The following SYNM variants were observed in gnomAD, a reference collection of about 807,000 sequenced individuals.
SYNM encodes desmuslin.
SYNM carries 95 observed loss-of-function variants against 104.0 expected under a neutral mutation model. The observed-to-expected ratio is 0.91, with a 90% CI of 0.77 to 1.08. The LOEUF (loss-of-function observed/expected upper bound fraction) is 1.08. Among genes scored for constraint, SYNM ranks in the 50% least tolerant of loss-of-function variants. SYNM has a pLI of 0.00. For synonymous variants in SYNM, 918 were observed against 869.0 expected (o/e 1.06, Z -0.99); for missense variants, 2,150 against 2,052.2 (o/e 1.05, Z -0.92).
chr15:99,119,232 A>G (rs1555484288), intron 2 of SYNM, among the ~76,000 whole-genome samples: 1 of 152,152 alleles, frequency 6.6e-6, no homozygotes, highest in South Asian at 2.1e-4. Flanking sequence ...TCCCTGGATG[A>G]TTGTCAGGTA....
chr15:99,119,962 A>G (rs1216257477), intron 2 of SYNM, among the ~76,000 whole-genome samples: 1 of 152,190 alleles, frequency 6.6e-6, no homozygotes, highest in Non-Finnish European at 1.5e-5. Flanking sequence ...ATCTCTGACC[A>G]TGAATGGGTG....
At chr15:99,125,378 G>T (rs1180151387) in intron 2 of SYNM, among the ~76,000 whole-genome samples, 1 of 152,264 alleles carries the variant, frequency 6.6e-6, no homozygotes, top group East Asian at 1.9e-4. Flanking sequence ...GAGGGCGTGG[G>T]ATTAATGGGT....
chr15:99,130,090 T>A lies in SYNM; in HGVS notation c.1730T>A (p.Val577Glu). 6.2e-7 allele frequency: 1 copy of A among 1,613,286 alleles called. No individual in the cohort carries two copies. The highest frequency in any genetic ancestry group is 8.5e-7 in the Non-Finnish European group (1 of 1,179,704). The change falls in exon 4 of 4, where the codon GTG becomes GAG. Residue 577 changes from valine (V) to glutamate (E), a missense_variant. Transcript: ENST00000336292. ...PKEKSVREREVPISLEVSQDR... is the reference protein window; with the variant it reads ...PKEKSVREREEPISLEVSQDR... ...GAGAAGAGCGTGCGAGAGAGAGAGG[T>A]GCCGATTAGTCTAGAAGTATCCCAG... is the stretch of plus-strand genomic sequence containing the variant.
intron 2 of SYNM, among the ~76,000 whole-genome samples, chr15:99,118,160 A>G (rs2067367685): frequency 6.6e-6 from 1 of 152,238 alleles, no homozygotes; most frequent in Non-Finnish European, 1.5e-5. Flanking sequence ...CGAAGAAGAC[A>G]TACAGATGGT....
chr15:99,141,423 G>A, the SYNM span, among the ~76,000 whole-genome samples: 3 of 152,218 alleles, frequency 2.0e-5, no homozygotes, highest in Non-Finnish European at 4.4e-5. Context: ...ATTTAAAAAA[G>A]TAGTTATCTG....
downstream of SYNM, chr15:99,137,232 G>T (rs1555487418): frequency 6.6e-6 from 1 of 152,292 alleles, no homozygotes; most frequent in Non-Finnish European, 1.5e-5. Flanking sequence ...CCTTCCAGGG[G>T]GCTGAAGACT....
At chr15:99,107,544 TC>T (rs1246590720) in intron 1 of SYNM, among the ~76,000 whole-genome samples, 1 of 152,202 alleles carries the variant, frequency 6.6e-6, no homozygotes, top group African/African-American at 2.4e-5. Flanking sequence ...GACCAAATCG[TC>T]ACCATGCGTT....
intron 1 of SYNM, among the ~76,000 whole-genome samples, chr15:99,110,728 A>G (rs1167389879): frequency 1.3e-5 from 2 of 152,150 alleles, no homozygotes; most frequent in Non-Finnish European, 2.9e-5. Flanking sequence ...GGTGTGGAGC[A>G]AGATTTCATC....
At chr15:99,123,067 G>A (rs558310296) in intron 2 of SYNM, among the ~76,000 whole-genome samples, 2 of 152,294 alleles carry the variant, frequency 1.3e-5, no homozygotes, top group South Asian at 4.1e-4. Flanking sequence ...CTCTGTGACA[G>A]CCATGGTTCT....
the SYNM span, among the ~76,000 whole-genome samples, chr15:99,141,329 A>G: frequency 1.3e-5 from 2 of 152,198 alleles, no homozygotes; most frequent in African/African-American, 4.8e-5. Flanking sequence ...AATGCATATA[A>G]TATGTATTAT....
chr15:99,113,136 G>A (rs1470596777), intron 1 of SYNM, among the ~76,000 whole-genome samples: 1 of 152,218 alleles, frequency 6.6e-6, no homozygotes, highest in African/African-American at 2.4e-5. Context: ...CCTGCTTATT[G>A]TTGGAGAAAT....
chr15:99,105,793 G>C lies in SYNM; in HGVS notation c.594G>C (p.Thr198=). The change falls in exon 1 of 4, where the codon ACG becomes ACC. Residue 198 remains threonine (T), a synonymous_variant. Coordinates refer to ENST00000336292, the MANE Select transcript of SYNM (RefSeq NM_145728.3). ...TGGTGGCCGAGTCGTGGCGGGAGACGGTGCAGCTGTACGAGGACGAGGTGC... is the reference window on the plus strand; with the variant it reads ...TGGTGGCCGAGTCGTGGCGGGAGACCGTGCAGCTGTACGAGGACGAGGTGC... The part of the protein sequence containing the change: ...ALLVAESWRE[T]VQLYEDEVRE... The C allele has an allele frequency of 7.1e-6, 11 of 1,541,802 alleles. No homozygotes were observed. Among genetic ancestry groups the C allele is most frequent in the Non-Finnish European group, 9.6e-6 (11 of 1,145,068 alleles).
At chr15:99,111,044 C>T (rs1555483368) in intron 1 of SYNM, among the ~76,000 whole-genome samples, 1 of 152,234 alleles carries the variant, frequency 6.6e-6, no homozygotes, top group Non-Finnish European at 1.5e-5. Flanking sequence ...GGAGCTGACT[C>T]ACATGGAAAT....
In SYNM at chr15:99,116,582, G is replaced by A. The variant is rs115948493; in HGVS notation, c.935+2867G>A. On this transcript the variant is annotated intron_variant, in intron 2 of 3. Transcript: ENST00000336292. ...GCATCTGCTCCTGGTGAAGCCTCAG[G>A]AAGCATACAGTCATGGTGGAAGGTG... Among the ~76,000 whole-genome samples, 994 of 144,022 alleles carry A rather than the reference G, an allele frequency of 6.9e-3. 86 individuals carry two copies. Among genetic ancestry groups the A allele is most frequent in the African/African-American group, 0.023 (908 of 40,342 alleles). The allele number at this position is 144,022 out of a possible 152,430, so 94.5% of individuals were successfully genotyped here.
rs1555486142 is a variant in SYNM at position 99,132,546 on chromosome 15, GGTGT to G, written c.4187_4190del (p.Gly1396ValfsTer10). On this transcript the variant is annotated frameshift_variant, in exon 4 of 4. Transcript: ENST00000336292. LOFTEE classifies it high-confidence loss of function. ...CACATCAGGGGCAGAAATGACATCG[GGTGT>G]TAGCAGATCCTTTAGGCACATTCGA... The G allele has an allele frequency of 2.5e-6, 4 of 1,614,030 alleles. No individual in the cohort carries two copies. Among genetic ancestry groups the G allele is most frequent in the Non-Finnish European group, 3.4e-6 (4 of 1,179,908 alleles).
chr15:99,140,788 A>C, the SYNM span: 1 of 152,252 alleles, frequency 6.6e-6, no homozygotes. Context: ...ACCAAAATTC[A>C]CCATAAGCAA....
At chr15:99,119,408 C>T (rs1555484307) in intron 2 of SYNM, among the ~76,000 whole-genome samples, 1 of 152,204 alleles carries the variant, frequency 6.6e-6, no homozygotes, top group Non-Finnish European at 1.5e-5. Flanking sequence ...TTCGTGCGCA[C>T]ACTGCTGTTG....
chr15:99,132,691 GC>G lies in SYNM; in HGVS notation c.4332del (p.Ser1444ArgfsTer5), dbSNP rs781945468. 14 of 1,613,906 alleles carry G rather than the reference GC, an allele frequency of 8.7e-6. No homozygotes were observed. The highest frequency in any genetic ancestry group is 1.0e-5 in the Non-Finnish European group (12 of 1,179,898). ...CCTGAGCTAGGCAAGTTAGCAGACA[GC>G]AGCAGAACGCTAAGGCACATTGCAC... ...DSPELGKLAD[S>X]SRTLRHIAPG... On this transcript the variant is annotated frameshift_variant, in exon 4 of 4. Transcript: ENST00000336292. LOFTEE classifies it high-confidence loss of function.
At chr15:99,112,506 A>G (rs1436451473) in intron 1 of SYNM, among the ~76,000 whole-genome samples, 1 of 152,122 alleles carries the variant, frequency 6.6e-6, no homozygotes. Flanking sequence ...ATTTCATTTT[A>G]AATTTAATTG....
Sources: gnomAD v4.1 joint callset for allele counts (sites outside exome capture counted in the v4.1 genomes callset) on GRCh38, gnomAD v4.1.1 for gene constraint, MANE v1.5 for transcripts, NCBI Gene and HGNC (gene_info 2026-07-23, HGNC 2026-07-21) for gene names.